Variants in SPATS1 observed in about 807,000 individuals in gnomAD.
The protein encoded by SPATS1 is spermatogenesis-associated serine-rich protein 1.
A neutral mutation model predicts 33.6 loss-of-function variants in SPATS1; 23 were observed. The observed-to-expected ratio is 0.68, with a 90% CI of 0.49 to 0.97. The LOEUF is 0.97. Ranked by LOEUF, SPATS1 falls within the 50% of genes least tolerant of loss-of-function variation. The probability of loss-of-function intolerance (pLI) is 0.00; values close to 1 mark genes in which losing one functional copy is unlikely to be tolerated. For synonymous variants in SPATS1, 131 were observed against 125.6 expected (o/e 1.04, Z -0.29); for missense variants, 327 against 361.0 (o/e 0.91, Z 0.76).
At chr6:44,355,032 G>A (rs1333593932) in intron 3 of SPATS1, among the ~76,000 whole-genome samples, 2 of 151,954 alleles carry the variant, frequency 1.3e-5, no homozygotes, top group Admixed American at 6.6e-5. Context: ...TGCTACCCAG[G>A]CCAGTTTCAA....
chr6:44,378,737 C>T lies in SPATS1; in HGVS notation c.*1674C>T, dbSNP rs1790079753. 6.5e-6 allele frequency: 1 copy of T among 152,696 alleles called. No individual in the cohort carries two copies. The highest frequency in any genetic ancestry group is 6.5e-5 in the Admixed American group (1 of 15,292). 9.5% of individuals were successfully genotyped at this position (152,696 alleles called of 1,614,324 possible). A position where few individuals can be genotyped will look rare whatever the true frequency, so the allele number is the denominator to read the frequency against. The stretch of plus-strand genomic sequence containing the variant: ...AGTGAGCCAAGACCATGCCATTGCA[C>T]TCCAGCCTGGGCGACAAGAGCGAAA... On this transcript the variant is annotated 3_prime_UTR_variant, in exon 9 of 9. Coordinates refer to ENST00000674044, the MANE Select transcript of SPATS1 (RefSeq NM_001372081.1).
chr6:44,363,650 C>T (rs1024840764), intron 5 of SPATS1, among the ~76,000 whole-genome samples: 1 of 59,760 alleles, frequency 1.7e-5, no homozygotes, highest in Non-Finnish European at 3.4e-5. Context: ...TTCCTTCCTT[C>T]CTTCCCTCCT....
chr6:44,360,444 A>G lies in SPATS1; in HGVS notation c.288-2A>G. Reference sequence around the variant, plus strand: ...GGAAGAATCCTTCTGCTTTCTTTCCAGCACCACTGCTGACTTGGATCGGAA... The same window carrying G: ...GGAAGAATCCTTCTGCTTTCTTTCCGGCACCACTGCTGACTTGGATCGGAA... On this transcript the variant is annotated splice_acceptor_variant, in intron 3 of 8. Transcript: ENST00000674044. LOFTEE classifies it high-confidence loss of function. 1.2e-6 allele frequency: 2 copies of G among 1,614,154 alleles called. No individual in the cohort carries two copies. The highest frequency in any genetic ancestry group is 1.7e-6 in the Non-Finnish European group (2 of 1,180,020).
intron 2 of SPATS1, among the ~76,000 whole-genome samples, chr6:44,344,661 T>C (rs1787769335): frequency 6.6e-6 from 1 of 151,028 alleles, no homozygotes; most frequent in Admixed American, 6.6e-5. Context: ...ATGACAAACA[T>C]ATGAAAGTGC....
chr6:44,370,133 T>C lies in SPATS1; in HGVS notation c.758+20T>C. 6.3e-7 allele frequency: 1 copy of C among 1,594,070 alleles called. No homozygotes were observed. The highest frequency in any genetic ancestry group is 8.6e-7 in the Non-Finnish European group (1 of 1,163,386). On this transcript the variant is annotated intron_variant, in intron 7 of 8. Coordinates refer to ENST00000674044, the MANE Select transcript of SPATS1 (RefSeq NM_001372081.1). ...TCCCAAGTGAGTTCTCTTGTCATGT[T>C]TTGTGTTATCCCATCTTTATTAAAT...
At chr6:44,361,138 G>A (rs960357289) in intron 4 of SPATS1, among the ~76,000 whole-genome samples, 56 of 152,124 alleles carry the variant, frequency 3.7e-4, no homozygotes, top group African/African-American at 1.3e-3. Context: ...ACCCACACTT[G>A]CTTGCCTCGA....
chr6:44,371,145 A>T (rs9381316), intron 7 of SPATS1, among the ~76,000 whole-genome samples: 28,120 of 151,602 alleles, frequency 0.19, 3,112 homozygotes, highest in East Asian at 0.43. Context: ...TATTTTTTTT[A>T]AAAATTAGCC....
rs1789508559 is a variant in SPATS1, at chr6:44,370,051, A to C, written c.696A>C (p.Ile232=). 1 of 1,610,818 alleles carries C rather than the reference A, an allele frequency of 6.2e-7. No homozygotes were observed. The highest frequency in any genetic ancestry group is 1.1e-5 in the South Asian group (1 of 90,844). The change falls in exon 7 of 9, where the codon ATA becomes ATC. Residue 232 remains isoleucine, a splice_region_variant and synonymous_variant. Coordinates refer to ENST00000674044, the MANE Select transcript of SPATS1 (RefSeq NM_001372081.1). ...TATGATTGCCTTTTCTGTTTTTCAG[A>C]GTGCCTTATGAAAAGAAATTTGATA... ...GSMLPPVNFS[I]VPYEKKFDTF... is the part of the protein sequence containing the mutation.
At position 44,379,299 on chromosome 6, in the gene SPATS1, G is replaced by GTCCTACACCAT. The variant is rs748553306; in HGVS notation, c.*2236_*2237insTCCTACACCAT. Among the ~76,000 whole-genome samples, 1 of 151,980 alleles carries GTCCTACACCAT rather than the reference G, an allele frequency of 6.6e-6. No individual in the cohort carries two copies. Among genetic ancestry groups the GTCCTACACCAT allele is most frequent in the Non-Finnish European group, 1.5e-5 (1 of 67,980 alleles). On this transcript the variant is annotated 3_prime_UTR_variant, in exon 9 of 9. Transcript: ENST00000674044. ...AGTCCTACACCATAAATATATTAAG[G>GTCCTACACCAT]AAAACAACCGGCTGGGCGTGGTGGC... is the stretch of plus-strand genomic sequence containing the variant.
At chr6:44,348,873 G>A (rs1488924981) in intron 2 of SPATS1, among the ~76,000 whole-genome samples, 1 of 152,240 alleles carries the variant, frequency 6.6e-6, no homozygotes, top group Non-Finnish European at 1.5e-5. Context: ...CACTGCGCCT[G>A]TAATCCCAGC....
At chr6:44,351,189 A>G (rs1788221800) in intron 2 of SPATS1, among the ~76,000 whole-genome samples, 1 of 152,038 alleles carries the variant, frequency 6.6e-6, no homozygotes, top group Non-Finnish European at 1.5e-5. Flanking sequence ...AAATAATACA[A>G]ATAAGTATAT....
In SPATS1 at chr6:44,379,599, C is replaced by CAAAAAAAAAAAAAAAAAAAAA. The variant is rs55976441; in HGVS notation, c.*2544_*2564dup. On this transcript the variant is annotated 3_prime_UTR_variant, in exon 9 of 9. Transcript: ENST00000674044. ...TGGGCAACAGAGTGAGACTCTGTCT[C>CAAAAAAAAAAAAAAAAAAAAA]AAAAAAAAAAAAAAAAAAAAAAAAA... Among the ~76,000 whole-genome samples the CAAAAAAAAAAAAAAAAAAAAA allele has an allele frequency of 3.7e-5, 2 of 54,742 alleles. No homozygotes were observed. Among genetic ancestry groups the CAAAAAAAAAAAAAAAAAAAAA allele is most frequent in the South Asian group, 9.4e-4 (1 of 1,068 alleles). 35.9% of individuals were successfully genotyped at this position (54,742 alleles called of 152,430 possible).
chr6:44,371,604 T>G (rs1027454178), intron 7 of SPATS1, among the ~76,000 whole-genome samples: 1 of 152,246 alleles, frequency 6.6e-6, no homozygotes, highest in Non-Finnish European at 1.5e-5. Flanking sequence ...TCTTTCCTAT[T>G]TTCATGTTTT....
intron 5 of SPATS1, among the ~76,000 whole-genome samples, chr6:44,366,108 A>G (rs1789226841): frequency 7.2e-6 from 1 of 138,404 alleles, no homozygotes; most frequent in Non-Finnish European, 1.5e-5. Context: ...CTTTTACCAT[A>G]GTCTATATAT....
intron 5 of SPATS1, 150 bp downstream of exon 5, chr6:44,362,142 C>G (rs1045429972): frequency 1.0e-6 from 1 of 972,350 alleles, no homozygotes. Flanking sequence ...GTGAAGGGGA[C>G]AGTTTGCAGG....
At chr6:44,351,753 G>A (rs900203849) in intron 2 of SPATS1, among the ~76,000 whole-genome samples, 9 of 152,118 alleles carry the variant, frequency 5.9e-5, no homozygotes, top group African/African-American at 2.2e-4. Context: ...TGTAACTGTG[G>A]GTGGTTGGGG....
At chr6:44,345,100 T>C (rs1787795212) in intron 2 of SPATS1, among the ~76,000 whole-genome samples, 1 of 152,084 alleles carries the variant, frequency 6.6e-6, no homozygotes, top group Admixed American at 6.6e-5. Flanking sequence ...GTATTAGTAT[T>C]AGCGTCAGTA....
intron 2 of SPATS1, among the ~76,000 whole-genome samples, chr6:44,346,835 G>C (rs1384341974): frequency 1.3e-5 from 2 of 152,070 alleles, no homozygotes; most frequent in African/African-American, 2.4e-5. Flanking sequence ...CAAGGATCTA[G>C]AACTAGAAAT....
chr6:44,366,416 G>A (rs930788165), intron 5 of SPATS1, among the ~76,000 whole-genome samples: 1 of 152,042 alleles, frequency 6.6e-6, no homozygotes, highest in Non-Finnish European at 1.5e-5. Context: ...GAGCCACTGC[G>A]CCTGGCCACC....
Sources: gnomAD v4.1 joint callset for allele counts (sites outside exome capture counted in the v4.1 genomes callset) on GRCh38, gnomAD v4.1.1 for gene constraint, MANE v1.5 for transcripts, NCBI Gene and HGNC (gene_info 2026-07-23, HGNC 2026-07-21) for gene names.